The following CPLX4 variants were observed in gnomAD, a reference collection of about 807,000 sequenced individuals.
CPLX4 encodes complexin 4.
In CPLX4, 17 loss-of-function variants were observed where a neutral mutation model predicts 16.1. That is an observed-to-expected ratio of 1.06 (90% CI 0.72 to 1.59). The LOEUF is 1.59. Among genes scored for constraint, CPLX4 ranks in the 40% most tolerant of loss-of-function variants. CPLX4 has a pLI of 0.00. For synonymous variants in CPLX4, 55 were observed against 57.8 expected, an observed-to-expected ratio of 0.95 and a Z score of 0.22; for missense variants, 193 against 192.9, an observed-to-expected ratio of 1.00 and a Z score of 0.00.
intron 2 of CPLX4, among the ~76,000 whole-genome samples, chr18:59,305,686 C>A (rs2070571943): frequency 1.3e-5 from 2 of 151,978 alleles, no homozygotes; most frequent in South Asian, 4.2e-4. Context: ...GTGAAGTGTC[C>A]AAGGAAAGGT....
intron 2 of CPLX4, among the ~76,000 whole-genome samples, chr18:59,300,377 G>A (rs2070532271): frequency 1.3e-5 from 2 of 152,136 alleles, no homozygotes; most frequent in Admixed American, 1.3e-4. Context: ...AATGTTTACT[G>A]AATGATTCAA....
At chr18:59,315,377 G>T (rs2070644753) in intron 1 of CPLX4, among the ~76,000 whole-genome samples, 2 of 151,936 alleles carry the variant, frequency 1.3e-5, no homozygotes, top group Non-Finnish European at 2.9e-5. Flanking sequence ...TTTGCCCATT[G>T]TTTTTGCTTT....
At chr18:59,298,093 A>AT (rs200060703) in intron 2 of CPLX4, among the ~76,000 whole-genome samples, 219 of 141,464 alleles carry the variant, frequency 1.5e-3, no homozygotes, top group East Asian at 7.2e-3. Flanking sequence ...AGATTCCTTT[A>AT]TTTTTTTTTT....
chr18:59,306,158 A>G (rs539409719), intron 2 of CPLX4, among the ~76,000 whole-genome samples: 19 of 152,304 alleles, frequency 1.2e-4, no homozygotes, highest in Non-Finnish European at 2.4e-4. Flanking sequence ...CTTGTTTTAG[A>G]TGGGAGAGAT....
At chr18:59,297,706 A>G (rs2070511361) in intron 2 of CPLX4, among the ~76,000 whole-genome samples, 1 of 152,232 alleles carries the variant, frequency 6.6e-6, no homozygotes, top group East Asian at 1.9e-4. Context: ...CCCCATGCCA[A>G]GACCCACTCA....
At chr18:59,308,380 C>T (rs1328602142) in intron 2 of CPLX4, among the ~76,000 whole-genome samples, 1 of 151,968 alleles carries the variant, frequency 6.6e-6, no homozygotes, top group East Asian at 1.9e-4. Flanking sequence ...AGCGGAAACT[C>T]GGCTGTTTGC....
chr18:59,297,255 G>A (rs991256314), intron 2 of CPLX4, among the ~76,000 whole-genome samples: 1 of 151,870 alleles, frequency 6.6e-6, no homozygotes, highest in South Asian at 2.1e-4. Flanking sequence ...AGGAACTCTG[G>A]AGATGGAGCC....
At position 59,296,313 on chromosome 18, in the gene CPLX4, G is replaced by A; in HGVS notation, c.*385C>T. The A allele has an allele frequency of 1.1e-5, 3 of 267,994 alleles. No individual in the cohort carries two copies. In the South Asian group the frequency reaches 1.2e-4, roughly 11 times the overall value. The allele number at this position is 267,994 out of a possible 1,614,324, so 16.6% of individuals were successfully genotyped here. ...GACTCTCCACATTTCTCTCTGAAGG[G>A]ACCTGGTGTCCTGCGAATAGTTGGA... On this transcript the variant is annotated 3_prime_UTR_variant, in exon 3 of 3. Coordinates refer to ENST00000299721, the MANE Select transcript of CPLX4 (RefSeq NM_181654.4).
intron 2 of CPLX4, among the ~76,000 whole-genome samples, chr18:59,302,663 T>A (rs1166139102): frequency 2.0e-5 from 3 of 152,200 alleles, no homozygotes; most frequent in Non-Finnish European, 4.4e-5. Flanking sequence ...TTTAAATAGC[T>A]CCATATCCTA....
intron 1 of CPLX4, among the ~76,000 whole-genome samples, chr18:59,317,482 A>G (rs976651428): frequency 3.9e-5 from 6 of 152,126 alleles, no homozygotes; most frequent in African/African-American, 1.2e-4. Context: ...ACCCAATTAA[A>G]TGTTGCTTAT....
At chr18:59,303,081 T>A (rs902821954) in intron 2 of CPLX4, among the ~76,000 whole-genome samples, 1 of 152,196 alleles carries the variant, frequency 6.6e-6, no homozygotes, top group Non-Finnish European at 1.5e-5. Flanking sequence ...TAAACCACTC[T>A]CACTGTCCTG....
At chr18:59,310,304 G>A (rs1403050044) in intron 2 of CPLX4, among the ~76,000 whole-genome samples, 1 of 152,160 alleles carries the variant, frequency 6.6e-6, no homozygotes, top group Non-Finnish European at 1.5e-5. Flanking sequence ...ACCTGGATTT[G>A]TGCATTTCAT....
intron 2 of CPLX4, among the ~76,000 whole-genome samples, chr18:59,306,223 G>A (rs2070576083): frequency 6.6e-6 from 1 of 152,172 alleles, no homozygotes; most frequent in Non-Finnish European, 1.5e-5. Flanking sequence ...GAAGATACAG[G>A]ATGTGGAATA....
At chr18:59,303,616 T>A (rs1348783723) in intron 2 of CPLX4, among the ~76,000 whole-genome samples, 1 of 152,214 alleles carries the variant, frequency 6.6e-6, no homozygotes, top group African/African-American at 2.4e-5. Flanking sequence ...TGTGTGACCT[T>A]GGAAAGTCAC....
chr18:59,296,886 C>T lies in CPLX4; in HGVS notation c.295G>A (p.Asp99Asn). The part of the protein sequence containing the change: ...DENQIQMAGD[D>N]VDLPEDLRKM... ...CGGAGATCTTCAGGTAAATCCACAT[C>T]ATCTCCAGCCATCTGGATTTGATTC... is the stretch of plus-strand genomic sequence containing the variant. Residue 99 changes from aspartate to asparagine, a missense_variant, in exon 3 of 3, where the codon GAT becomes AAT. Transcript: ENST00000299721. 1 of 1,612,328 alleles carries T rather than the reference C, an allele frequency of 6.2e-7. No individual in the cohort carries two copies. Among genetic ancestry groups the T allele is most frequent in the African/African-American group, 1.3e-5 (1 of 74,892 alleles).
At chr18:59,309,247 A>G (rs2070599227) in intron 2 of CPLX4, among the ~76,000 whole-genome samples, 1 of 152,188 alleles carries the variant, frequency 6.6e-6, no homozygotes, top group South Asian at 2.1e-4. Flanking sequence ...GTTTTGAAAC[A>G]TTGTGTGTAG....
At chr18:59,297,517 C>T (rs35842814) in intron 2 of CPLX4, among the ~76,000 whole-genome samples, 11,784 of 152,050 alleles carry the variant, frequency 0.078, 646 homozygotes, top group Middle Eastern at 0.12. Flanking sequence ...TGACCTCAGG[C>T]GATCCAACCA....
chr18:59,299,644 CTG>C (rs769624995), intron 2 of CPLX4, among the ~76,000 whole-genome samples: 1 of 152,194 alleles, frequency 6.6e-6, no homozygotes. Flanking sequence ...AAGGGTGACT[CTG>C]AGGTTCGTTT....
chr18:59,296,907 G>C lies in CPLX4; in HGVS notation c.274C>G (p.Gln92Glu), dbSNP rs1224890951. 6.2e-7 allele frequency: 1 copy of C among 1,611,166 alleles called. No individual in the cohort carries two copies. Among genetic ancestry groups the C allele is most frequent in the Non-Finnish European group, 8.5e-7 (1 of 1,179,552 alleles). ...RLPKSEMDEN[Q>E]IQMAGDDVDL... The stretch of plus-strand genomic sequence containing the variant: ...ACATCATCTCCAGCCATCTGGATTT[G>C]ATTCTCATCCATTTCACTCTATGTG... The change falls in exon 3 of 3, where the codon CAA (glutamine) becomes GAA (glutamate). Residue 92 changes from glutamine (Q) to glutamate (E), a missense_variant. Gln to Glu is a conservative substitution (Grantham distance 29). Transcript: ENST00000299721.
Sources: gnomAD v4.1 joint callset for allele counts (sites outside exome capture counted in the v4.1 genomes callset) on GRCh38, gnomAD v4.1.1 for gene constraint, MANE v1.5 for transcripts, NCBI Gene and HGNC (gene_info 2026-07-23, HGNC 2026-07-21) for gene names.